HERC6: variants seen among roughly 807,000 people sequenced by gnomAD.
HERC6 encodes HECT and RLD domain containing E3 ubiquitin protein ligase family member 6, also known as probable E3 ubiquitin-protein ligase HERC6.
A neutral mutation model predicts 114.5 loss-of-function variants in HERC6; 101 were observed. The ratio of observed to expected loss-of-function variants is 0.88; its 90% CI spans 0.75 to 1.04. HERC6 has a LOEUF of 1.04. Ranked by LOEUF, HERC6 falls within the 50% of genes least tolerant of loss-of-function variation. HERC6 has a pLI of 0.00. For synonymous variants in HERC6, 408 were observed against 436.2 expected (o/e 0.94, Z 0.81); for missense variants, 1,133 against 1,230.9 (o/e 0.92, Z 1.19).
At chr4:88,401,931 T>C (rs539738364) in intron 8 of HERC6, among the ~76,000 whole-genome samples, 12 of 152,206 alleles carry the variant, frequency 7.9e-5, no homozygotes, top group Non-Finnish European at 1.8e-4. Flanking sequence ...TTCAGTTGGA[T>C]TTTGGAGTAA....
At chr4:88,415,579 C>T (rs1011703152) in intron 12 of HERC6, among the ~76,000 whole-genome samples, 2 of 152,126 alleles carry the variant, frequency 1.3e-5, no homozygotes, top group African/African-American at 2.4e-5. Context: ...ATGAGAATAT[C>T]GGTCTGCATA....
At chr4:88,383,176 A>G in intron 1 of HERC6, 45 bp from the exon 2 acceptor site, 1 of 1,584,160 alleles carries the variant, frequency 6.3e-7, no homozygotes, top group Non-Finnish European at 8.6e-7. Flanking sequence ...TTAAATTAAT[A>G]ATCTGCAGTG....
intron 10 of HERC6, 50 bp downstream of exon 10, chr4:88,405,663 A>T: frequency 1.0e-6 from 1 of 995,658 alleles, no homozygotes; most frequent in East Asian, 2.7e-5. Context: ...GAAAATATTT[A>T]AAATGAAATG....
rs745923654 is a variant in HERC6, at chr4:88,417,506, T to C, written c.1640T>C (p.Leu547Pro). 25 of 1,612,504 alleles carry C rather than the reference T, an allele frequency of 1.6e-5. No individual in the cohort carries two copies. Among genetic ancestry groups the C allele is most frequent in the Non-Finnish European group, 2.1e-5 (25 of 1,179,356 alleles). ...MLKAAIISQL[L>P]HQTKTEQDHC... ...AAAGCAGCCATCATCTCTCAGCTGC[T>C]TCATCAGACTAAAACCGAACAGGAT... The change falls in exon 13 of 23, where the codon CTT becomes CCT. Residue 547 changes from leucine to proline, a missense_variant. Coordinates refer to ENST00000264346, the MANE Select transcript of HERC6 (RefSeq NM_017912.4).
Position 88,435,177 on chromosome 4 carries a change from A to G in HERC6, c.2251-548A>G, listed in dbSNP as rs572363899. The stretch of plus-strand genomic sequence containing the variant: ...CTACAAGTGCAGACAAGACATGCCA[A>G]CTTCACCAGGCCTCTTTCCTTCTTC... On this transcript the variant is annotated intron_variant, in intron 17 of 22. Transcript: ENST00000264346. Among the ~76,000 whole-genome samples, 3 of 152,226 alleles carry G rather than the reference A, an allele frequency of 2.0e-5. No individual in the cohort carries two copies. In the East Asian group the frequency reaches 5.8e-4, roughly 29 times the overall value.
rs758675853 is a variant in HERC6 at position 88,390,849 on chromosome 4, C to T, written c.634C>T (p.Gln212Ter). The T allele has an allele frequency of 1.2e-6, 2 of 1,613,800 alleles. No individual in the cohort carries two copies. The highest frequency in any genetic ancestry group is 2.2e-5 in the East Asian group (1 of 44,872). ...TGGCTGGGGAAGTAACAGTGCCGGGCAGCTGGCCCTCAGTGGGCGTAATGT... is the reference window on the plus strand; with the variant it reads ...TGGCTGGGGAAGTAACAGTGCCGGGTAGCTGGCCCTCAGTGGGCGTAATGT... Reference protein sequence around the residue: ...SFGWGSNSAGQLALSGRNVPV... With the variant: ...SFGWGSNSAG Residue 212 changes from glutamine to a stop codon, truncating the protein, a stop_gained, in exon 4 of 23, where the codon CAG (glutamine) becomes TAG (stop). Transcript: ENST00000264346. LOFTEE classifies it high-confidence loss of function.
chr4:88,401,488 C>T lies in HERC6; in HGVS notation c.1092+3279C>T, dbSNP rs559223727. 2.0e-3 allele frequency among the ~76,000 whole-genome samples: 267 copies of T among 134,110 alleles called. 2 individuals are homozygous for T. Among genetic ancestry groups the T allele is most frequent in the African/African-American group, 7.4e-3 (260 of 35,256 alleles). The allele number at this position is 134,110 out of a possible 152,430, so 88.0% of individuals were successfully genotyped here. A position where few individuals can be genotyped will look rare whatever the true frequency, so the allele number is the denominator to read the frequency against. On this transcript the variant is annotated intron_variant, in intron 8 of 22. Transcript: ENST00000264346. ...CCTGGGCGACAGAACGAGACTCCAT[C>T]TCAAAAAAAAAAAAAAAAAGAAAAG...
intron 20 of HERC6, among the ~76,000 whole-genome samples, chr4:88,438,235 C>T (rs1738969015): frequency 6.6e-6 from 1 of 150,616 alleles, no homozygotes; most frequent in Non-Finnish European, 1.5e-5. Flanking sequence ...AGAAAGAATT[C>T]AGGGTTCAAT....
chr4:88,394,626 C>A (rs1235177954), intron 5 of HERC6, among the ~76,000 whole-genome samples: 1 of 151,342 alleles, frequency 6.6e-6, no homozygotes, highest in South Asian at 2.1e-4. Context: ...CTCACTGCAA[C>A]CTTCGCCTCC....
At chr4:88,388,407 C>T (rs28617729) in intron 3 of HERC6, among the ~76,000 whole-genome samples, 17,685 of 151,954 alleles carry the variant, frequency 0.12, 1,269 homozygotes, top group Non-Finnish European at 0.16. Context: ...AAAAATTAAC[C>T]GGGCATGGTG....
intron 10 of HERC6, among the ~76,000 whole-genome samples, chr4:88,406,489 C>T (rs142314198): frequency 9.9e-5 from 15 of 152,280 alleles, no homozygotes; most frequent in Non-Finnish European, 2.1e-4. Flanking sequence ...CTGTTGGATG[C>T]CAATAACTTC....
chr4:88,387,196 A>G (rs1734628853), intron 3 of HERC6, among the ~76,000 whole-genome samples: 1 of 152,192 alleles, frequency 6.6e-6, no homozygotes, highest in Admixed American at 6.5e-5. Context: ...CAGGAGTTTG[A>G]GACCAGCCTG....
rs764307920 is a variant in HERC6, at chr4:88,404,876, G to T, written c.1093G>T (p.Asp365Tyr). The change falls in exon 9 of 23, where the codon GAT becomes TAT. Residue 365 changes from aspartate to tyrosine, a missense_variant and splice_region_variant. Around this residue, in one of 3 missense-constraint regions of HERC6, gnomAD observed 735 missense variants for 754.0 expected, o/e 0.97. Transcript: ENST00000264346. ...TYANFVTTHQ[D>Y]TSSTRAPGKT... is the part of the protein sequence containing the mutation. ...ATTCTTGTTTCTTCCTTCCCTGAAGGATACTAGTTCCACACGTGCTCCCGG... is the reference window on the plus strand; with the variant it reads ...ATTCTTGTTTCTTCCTTCCCTGAAGTATACTAGTTCCACACGTGCTCCCGG... The T allele has an allele frequency of 1.7e-5, 28 of 1,613,062 alleles. No individual in the cohort carries two copies. The highest frequency in any genetic ancestry group is 2.1e-5 in the Non-Finnish European group (25 of 1,179,458).
chr4:88,391,111 T>C (rs191625786), intron 4 of HERC6, among the ~76,000 whole-genome samples: 10 of 152,348 alleles, frequency 6.6e-5, no homozygotes, highest in African/African-American at 1.9e-4. Context: ...GTCAGGATTC[T>C]GACACACGTC....
At chr4:88,433,942 C>A (rs765058277) in intron 17 of HERC6, among the ~76,000 whole-genome samples, 101 of 152,236 alleles carry the variant, frequency 6.6e-4, no homozygotes, top group Non-Finnish European at 1.3e-3. Flanking sequence ...CTAAGGTGTG[C>A]CAATGGTATG....
chr4:88,390,550 C>A (rs895375843), intron 3 of HERC6, 102 bp from the exon 4 acceptor site: 2 of 1,005,020 alleles, frequency 2.0e-6, no homozygotes, highest in Non-Finnish European at 2.9e-6. Flanking sequence ...TGTCAATTAT[C>A]CCTCATTAAA....
chr4:88,409,627 C>T (rs1310222462), intron 11 of HERC6, among the ~76,000 whole-genome samples: 1 of 152,152 alleles, frequency 6.6e-6, no homozygotes, highest in Non-Finnish European at 1.5e-5. Context: ...TAACCTTATC[C>T]TGGACTGATC....
chr4:88,408,495 G>A (rs1735916306), intron 10 of HERC6, 29 bp from the exon 11 acceptor site: 1 of 1,342,126 alleles, frequency 7.5e-7, no homozygotes, highest in Non-Finnish European at 1.1e-6. Context: ...TTATGTTTAT[G>A]TGGTTTCTTG....
At chr4:88,407,545 G>A (rs958735572) in intron 10 of HERC6, among the ~76,000 whole-genome samples, 3 of 151,640 alleles carry the variant, frequency 2.0e-5, no homozygotes, top group African/African-American at 2.4e-5. Context: ...GACTACAGGT[G>A]TGCACCACCA....
Sources: gnomAD v4.1 joint callset for allele counts (sites outside exome capture counted in the v4.1 genomes callset) on GRCh38, gnomAD v4.1.1 for gene constraint, gnomAD v4.1.1 regional missense constraint, MANE v1.5 for transcripts, NCBI Gene and HGNC (gene_info 2026-07-23, HGNC 2026-07-21) for gene names.